The following C8orf34 variants were observed in gnomAD, a reference collection of about 807,000 sequenced individuals.
C8orf34 encodes chromosome 8 open reading frame 34.
Under a neutral mutation model 68.3 loss-of-function variants are expected in C8orf34, and 65 were observed. That is an observed-to-expected ratio of 0.95 (90% confidence interval 0.78 to 1.17). The LOEUF (loss-of-function observed/expected upper bound fraction) is 1.17. Ranked by LOEUF, C8orf34 falls within the 50% of genes most tolerant of loss-of-function variation. The pLI, the probability that C8orf34 is intolerant of heterozygous loss-of-function variation, is 0.00. For missense variants in C8orf34, 664 were observed against 655.4 expected (o/e 1.01, Z -0.14); for synonymous variants, 244 against 241.2 (o/e 1.01, Z -0.11).
Position 68,710,199 on chromosome 8 carries a change from G to GTACC in C8orf34, c.1327+1121_1327+1124dup, listed in dbSNP as rs144260505. Among the ~76,000 whole-genome samples, 674 of 152,176 alleles carry GTACC rather than the reference G, an allele frequency of 4.4e-3. 11 individuals carry two copies. The highest frequency in any genetic ancestry group is 0.015 in the African/African-American group (636 of 41,516). ...ACATCGTGAACTTTTGCTCCAAGAA[G>GTACC]TACCGCAGGAACATAACAGGAAAGG... On this transcript the variant is annotated intron_variant, in intron 9 of 13. Transcript: ENST00000518698.
intron 4 of C8orf34, among the ~76,000 whole-genome samples, chr8:68,481,447 C>T (rs1024810168): frequency 3.3e-5 from 5 of 152,296 alleles, no homozygotes; most frequent in African/African-American, 9.6e-5. Flanking sequence ...GAGAAGAGGA[C>T]CACCATCCTC....
chr8:68,506,921 C>T (rs994771486), intron 5 of C8orf34, among the ~76,000 whole-genome samples: 6 of 152,118 alleles, frequency 3.9e-5, no homozygotes, highest in Admixed American at 2.0e-4. Flanking sequence ...GTCATTTGTC[C>T]ATTGATACGC....
intron 4 of C8orf34, among the ~76,000 whole-genome samples, chr8:68,472,723 G>A (rs142757450): frequency 6.6e-6 from 1 of 152,094 alleles, no homozygotes; most frequent in East Asian, 1.9e-4. Flanking sequence ...AAAAGGAAAC[G>A]TGAAAACAAT....
rs149735959 is a variant in C8orf34, at chr8:68,440,281, G to T, written c.475+635G>T. On this transcript the variant is annotated intron_variant, in intron 2 of 13. Coordinates refer to ENST00000518698, the MANE Select transcript of C8orf34 (RefSeq NM_052958.4). ...AAATCCAAATCCCCTCATGCCCATTGCTTGGGTAACTAACTTCTTGTCTGA... is the reference window on the plus strand; with the variant it reads ...AAATCCAAATCCCCTCATGCCCATTTCTTGGGTAACTAACTTCTTGTCTGA... 6.4e-4 allele frequency among the ~76,000 whole-genome samples: 98 copies of T among 152,274 alleles called. 1 individual carries two copies. The East Asian group carries it at 0.017, about 26-fold the overall frequency.
chr8:68,427,368 G>T (rs1383609558), intron 1 of C8orf34, among the ~76,000 whole-genome samples: 1 of 151,798 alleles, frequency 6.6e-6, no homozygotes. Context: ...GCAATAAAAA[G>T]GAATAAACCA....
At chr8:68,621,206 G>C (rs1818379733) in intron 7 of C8orf34, among the ~76,000 whole-genome samples, 1 of 152,182 alleles carries the variant, frequency 6.6e-6, no homozygotes, top group African/African-American at 2.4e-5. Flanking sequence ...GGGACAGTGG[G>C]GACAAAGTGG....
At chr8:68,338,842 A>C (rs1805957807) in intron 1 of C8orf34, among the ~76,000 whole-genome samples, 1 of 152,134 alleles carries the variant, frequency 6.6e-6, no homozygotes, top group Non-Finnish European at 1.5e-5. Context: ...TAGGAGTTCC[A>C]GTTGTTCCAT....
At chr8:68,574,434 A>G (rs1295246128) in intron 7 of C8orf34, among the ~76,000 whole-genome samples, 1 of 152,068 alleles carries the variant, frequency 6.6e-6, no homozygotes, top group Non-Finnish European at 1.5e-5. Flanking sequence ...AAATTAGCAT[A>G]AGATTAGTAT....
intron 5 of C8orf34, among the ~76,000 whole-genome samples, chr8:68,516,807 AT>A (rs539839653): frequency 3.3e-5 from 5 of 151,340 alleles, no homozygotes; most frequent in Admixed American, 2.0e-4. Flanking sequence ...CGCCCAGCTA[AT>A]TTTTTTTATT....
At chr8:68,459,843 C>T (rs1293030649) in intron 3 of C8orf34, among the ~76,000 whole-genome samples, 1 of 152,186 alleles carries the variant, frequency 6.6e-6, no homozygotes, top group Non-Finnish European at 1.5e-5. Flanking sequence ...CTCCGGTCTA[C>T]AGCTCCCAGT....
chr8:68,472,135 C>T (rs1222467730), intron 4 of C8orf34, among the ~76,000 whole-genome samples: 2 of 152,088 alleles, frequency 1.3e-5, no homozygotes, highest in African/African-American at 4.8e-5. Context: ...ATATTGCTCT[C>T]TTGGAAAGGC....
intron 7 of C8orf34, among the ~76,000 whole-genome samples, chr8:68,541,560 T>TGTAA (rs1256475052): frequency 6.6e-6 from 1 of 152,226 alleles, no homozygotes; most frequent in Non-Finnish European, 1.5e-5. Context: ...GTCTTTAGCA[T>TGTAA]GTAAGTTTCG....
At chr8:68,409,599 A>T (rs1809357072) in intron 1 of C8orf34, among the ~76,000 whole-genome samples, 1 of 152,220 alleles carries the variant, frequency 6.6e-6, no homozygotes, top group Non-Finnish European at 1.5e-5. Context: ...AAAGGTTTAT[A>T]AAGTAAAAAT....
chr8:68,398,160 C>T (rs117997785), intron 1 of C8orf34, among the ~76,000 whole-genome samples: 3,521 of 152,126 alleles, frequency 0.023, 51 homozygotes, highest in Non-Finnish European at 0.036. Flanking sequence ...ATATACATAA[C>T]ACAAGTAAAG....
rs1198172865 is a variant in C8orf34, at chr8:68,556,703, C to T, written c.1105+23554C>T. Among the ~76,000 whole-genome samples, 7 of 152,158 alleles carry T rather than the reference C, an allele frequency of 4.6e-5. No homozygotes were observed. In the South Asian group the frequency reaches 8.3e-4, roughly 18 times the overall value. ...CCTCGGCCGATGTACTCCCTGGTGT[C>T]GACCTTATGGCATTTTAAGTTTGTT... On this transcript the variant is annotated intron_variant, in intron 7 of 13. Transcript: ENST00000518698.
intron 13 of C8orf34, among the ~76,000 whole-genome samples, 193 bp downstream of exon 13, chr8:68,816,138 C>CTG (rs138646973): frequency 0.26 from 38,465 of 146,510 alleles, 5,284 homozygotes; most frequent in East Asian, 0.42. Context: ...GTGTGTTTCT[C>CTG]TGTGTGTGTG....
At chr8:68,618,127 T>C in intron 7 of C8orf34, among the ~76,000 whole-genome samples, 1 of 152,312 alleles carries the variant, frequency 6.6e-6, no homozygotes, top group Non-Finnish European at 1.5e-5. Context: ...ATATCAATTT[T>C]CTTAAAATAA....
intron 10 of C8orf34, among the ~76,000 whole-genome samples, chr8:68,729,982 T>C (rs139060086): frequency 1.4e-3 from 214 of 152,274 alleles, no homozygotes; most frequent in African/African-American, 4.2e-3. Flanking sequence ...TGTGATTTTA[T>C]GTAAATTGGT....
At chr8:68,456,967 A>G (rs1233397594) in intron 3 of C8orf34, among the ~76,000 whole-genome samples, 1 of 152,212 alleles carries the variant, frequency 6.6e-6, no homozygotes, top group Non-Finnish European at 1.5e-5. Flanking sequence ...GACAAGAAAG[A>G]CATTGTCTAT....
Sources: allele counts gnomAD v4.1 joint callset (sites outside exome capture counted in the v4.1 genomes callset), GRCh38; gene constraint gnomAD v4.1.1; transcripts MANE v1.5; gene names NCBI Gene and HGNC (gene_info 2026-07-23, HGNC 2026-07-21).